CNTNAP5: variants seen among roughly 807,000 people sequenced by gnomAD.
CNTNAP5 encodes contactin associated protein family member 5, also known as contactin-associated protein-like 5.
In CNTNAP5, 72 loss-of-function variants were observed where a neutral mutation model predicts 150.2. The observed-to-expected ratio is 0.48, with a 90% confidence interval of 0.40 to 0.58. The LOEUF (loss-of-function observed/expected upper bound fraction) is 0.58, where lower values mean the gene tolerates loss of function less well. Among genes scored for constraint, CNTNAP5 ranks in the 20% least tolerant of loss-of-function variants. The pLI is 0.00. For missense variants in CNTNAP5, 1,636 were observed against 1,626.2 expected, an observed-to-expected ratio of 1.01 and a Z score of -0.10; for synonymous variants, 672 against 619.8, an observed-to-expected ratio of 1.08 and a Z score of -1.25.
chr2:124,763,349 G>T (rs2104599940), intron 14 of CNTNAP5, among the ~76,000 whole-genome samples: 1 of 152,280 alleles, frequency 6.6e-6, no homozygotes, highest in South Asian at 2.1e-4. Context: ...TGAGAGGTGA[G>T]GTTTAATGTC....
chr2:124,902,204 C>T (rs769154264), intron 21 of CNTNAP5, among the ~76,000 whole-genome samples: 4 of 152,108 alleles, frequency 2.6e-5, no homozygotes, highest in Non-Finnish European at 5.9e-5. Context: ...TTTGATCTTG[C>T]TATGAATCCC....
intron 21 of CNTNAP5, among the ~76,000 whole-genome samples, chr2:124,891,606 G>GGAATCAGAC (rs1678196040): frequency 6.6e-6 from 1 of 152,080 alleles, no homozygotes; most frequent in Admixed American, 6.6e-5. Flanking sequence ...CTGGAAGTCT[G>GGAATCAGAC]ATTCCTTGGT....
At chr2:124,529,890 T>G (rs984997323) in intron 10 of CNTNAP5, among the ~76,000 whole-genome samples, 1 of 152,156 alleles carries the variant, frequency 6.6e-6, no homozygotes, top group African/African-American at 2.4e-5. Flanking sequence ...CCCCTTCTTT[T>G]TCTCTCTCAA....
At chr2:124,683,854 C>A (rs1019478601) in intron 13 of CNTNAP5, among the ~76,000 whole-genome samples, 4 of 152,104 alleles carry the variant, frequency 2.6e-5, no homozygotes, top group African/African-American at 9.7e-5. Flanking sequence ...ACGTTTATTG[C>A]CTGACTAATC....
At chr2:124,519,471 GC>G (rs1694805832) in intron 8 of CNTNAP5, among the ~76,000 whole-genome samples, 1 of 152,100 alleles carries the variant, frequency 6.6e-6, no homozygotes, top group Non-Finnish European at 1.5e-5. Flanking sequence ...GGCAGGGCTG[GC>G]TGGAGTTGCC....
intron 3 of CNTNAP5, among the ~76,000 whole-genome samples, chr2:124,406,952 G>C (rs1350968934): frequency 1.3e-5 from 2 of 152,136 alleles, no homozygotes; most frequent in African/African-American, 2.4e-5. Flanking sequence ...GACATGTGAA[G>C]CTTGTCTTTC....
At chr2:124,646,401 G>T (rs1678202349) in intron 12 of CNTNAP5, among the ~76,000 whole-genome samples, 1 of 152,094 alleles carries the variant, frequency 6.6e-6, no homozygotes. Context: ...ATGTGCCTCG[G>T]GTCATTTCTT....
At chr2:124,632,267 G>C (rs1677876528) in intron 12 of CNTNAP5, among the ~76,000 whole-genome samples, 1 of 152,192 alleles carries the variant, frequency 6.6e-6, no homozygotes, top group African/African-American at 2.4e-5. Context: ...GTTCAATGCA[G>C]CACTATTCAC....
chr2:124,243,991 C>T (rs994901719), intron 3 of CNTNAP5, among the ~76,000 whole-genome samples: 2 of 152,116 alleles, frequency 1.3e-5, no homozygotes, highest in African/African-American at 4.8e-5. Flanking sequence ...TTTAGAGGGA[C>T]AAATCGATGT....
chr2:124,237,120 A>C (rs1366193046), intron 2 of CNTNAP5, among the ~76,000 whole-genome samples: 1 of 151,908 alleles, frequency 6.6e-6, no homozygotes, highest in Non-Finnish European at 1.5e-5. Context: ...CAGGAGCGAG[A>C]CTCTGTCAAA....
At chr2:124,486,185 C>T (rs1223272004) in intron 7 of CNTNAP5, among the ~76,000 whole-genome samples, 1 of 152,110 alleles carries the variant, frequency 6.6e-6, no homozygotes, top group African/African-American at 2.4e-5. Flanking sequence ...TATTATTCTA[C>T]GTGAAGTAAC....
chr2:124,036,388 C>T (rs1260102999), intron 1 of CNTNAP5, among the ~76,000 whole-genome samples: 1 of 151,936 alleles, frequency 6.6e-6, no homozygotes, highest in Non-Finnish European at 1.5e-5. Context: ...CAAGAAACCC[C>T]AGTCCCACCC....
chr2:124,454,445 A>C (rs1693066040), intron 6 of CNTNAP5, among the ~76,000 whole-genome samples: 1 of 152,200 alleles, frequency 6.6e-6, no homozygotes, highest in African/African-American at 2.4e-5. Context: ...GCTAAATAAT[A>C]GTGGGGGACT....
At chr2:124,113,262 ATCT>A (rs534421259) in intron 1 of CNTNAP5, among the ~76,000 whole-genome samples, 13 of 152,272 alleles carry the variant, frequency 8.5e-5, no homozygotes, top group African/African-American at 3.1e-4. Flanking sequence ...TTATTTCATA[ATCT>A]TACAATTAAT....
intron 1 of CNTNAP5, among the ~76,000 whole-genome samples, chr2:124,098,401 T>C (rs566074082): frequency 6.6e-6 from 1 of 152,292 alleles, no homozygotes; most frequent in African/African-American, 2.4e-5. Context: ...AGTAGATCCA[T>C]GCAGTTCTGA....
At chr2:124,576,160 ATC>A in intron 11 of CNTNAP5, among the ~76,000 whole-genome samples, 2 of 152,196 alleles carry the variant, frequency 1.3e-5, no homozygotes, top group South Asian at 4.1e-4. Flanking sequence ...CTATATCTAT[ATC>A]TATATCTATA....
intron 1 of CNTNAP5, among the ~76,000 whole-genome samples, chr2:124,172,405 C>T (rs11900419): frequency 0.01 from 1,540 of 151,854 alleles, 28 homozygotes; most frequent in African/African-American, 0.035. Context: ...TATCATGGTC[C>T]TTTTCTCTTT....
intron 3 of CNTNAP5, among the ~76,000 whole-genome samples, chr2:124,319,776 C>A (rs1230743473): frequency 6.6e-6 from 1 of 152,032 alleles, no homozygotes; most frequent in Non-Finnish European, 1.5e-5. Context: ...CTGTGACAAT[C>A]AAAAATATTC....
intron 5 of CNTNAP5, among the ~76,000 whole-genome samples, chr2:124,439,415 T>C (rs1198032683): frequency 1.3e-5 from 2 of 152,190 alleles, no homozygotes; most frequent in African/African-American, 4.8e-5. Context: ...TTGGTTATAT[T>C]AATTGGAAAT....
Sources: allele counts gnomAD v4.1 joint callset (sites outside exome capture counted in the v4.1 genomes callset), GRCh38; gene constraint gnomAD v4.1.1; transcripts MANE v1.5; gene names NCBI Gene and HGNC (gene_info 2026-07-23, HGNC 2026-07-21).